MACROD2: variants seen among roughly 807,000 people sequenced by gnomAD.
MACROD2 encodes mono-ADP ribosylhydrolase 2.
In MACROD2, 36 loss-of-function variants were observed where a neutral mutation model predicts 70.4. The observed-to-expected ratio is 0.51, with a 90% CI of 0.39 to 0.68. The LOEUF (loss-of-function observed/expected upper bound fraction) is 0.68. Among genes scored for constraint, MACROD2 ranks in the 30% least tolerant of loss-of-function variants. The probability of loss-of-function intolerance (pLI) is 0.00; values close to 1 mark genes in which losing one functional copy is unlikely to be tolerated. For missense variants in MACROD2, 496 were observed against 538.4 expected (o/e 0.92, Z 0.78); for synonymous variants, 172 against 178.8 (o/e 0.96, Z 0.30).
At chr20:16,035,158 A>ATT in intron 15 of MACROD2, among the ~76,000 whole-genome samples, 1 of 62,722 alleles carries the variant, frequency 1.6e-5, no homozygotes, top group East Asian at 4.2e-4. Flanking sequence ...TATAAAATAT[A>ATT]ATATAAAATA....
intron 3 of MACROD2, among the ~76,000 whole-genome samples, chr20:14,365,089 A>C (rs1001727003): frequency 6.6e-6 from 1 of 152,200 alleles, no homozygotes; most frequent in Non-Finnish European, 1.5e-5. Flanking sequence ...TTTTCAAGCC[A>C]CATGGTCCTG....
intron 3 of MACROD2, among the ~76,000 whole-genome samples, chr20:14,090,427 G>A (rs1468856950): frequency 1.3e-5 from 2 of 152,008 alleles, no homozygotes; most frequent in African/African-American, 4.8e-5. Context: ...ACAAAAATTA[G>A]CTGGGCACGG....
intron 15 of MACROD2, among the ~76,000 whole-genome samples, chr20:16,014,157 T>A (rs557318792): frequency 8.5e-5 from 13 of 152,344 alleles, no homozygotes; most frequent in African/African-American, 3.1e-4. Flanking sequence ...CTATTCAGCT[T>A]TAAAATATAG....
chr20:15,606,771 G>A (rs1463033393), intron 8 of MACROD2, among the ~76,000 whole-genome samples: 2 of 152,124 alleles, frequency 1.3e-5, no homozygotes, highest in Non-Finnish European at 2.9e-5. Flanking sequence ...AGGAGGCCGA[G>A]GCAGGCGGAT....
rs59413168 is a variant in MACROD2 at position 15,682,152 on chromosome 20, A to AG, written c.646-180590dup. Among the ~76,000 whole-genome samples the AG allele has an allele frequency of 2.8e-3, 432 of 152,298 alleles. 2 individuals carry two copies. Among genetic ancestry groups the AG allele is most frequent in the African/African-American group, 9.6e-3 (400 of 41,564 alleles). On this transcript the variant is annotated intron_variant, in intron 8 of 17. Coordinates refer to ENST00000684519, the MANE Select transcript of MACROD2 (RefSeq NM_001351661.2). Reference sequence around the variant, plus strand: ...CCTTGAGCCATTTCCAAATGAAAAGAGGGTATGATTTATCAGGGCAGATCC... The same window carrying AG: ...CCTTGAGCCATTTCCAAATGAAAAGAGGGGTATGATTTATCAGGGCAGATCC...
intron 8 of MACROD2, among the ~76,000 whole-genome samples, chr20:15,548,497 G>A (rs1028661258): frequency 3.3e-5 from 5 of 152,150 alleles, no homozygotes; most frequent in African/African-American, 9.7e-5. Flanking sequence ...AAGGGTTCAA[G>A]CGATTCTTCT....
intron 3 of MACROD2, among the ~76,000 whole-genome samples, chr20:14,115,599 C>G (rs2054503961): frequency 6.6e-6 from 1 of 152,122 alleles, no homozygotes; most frequent in Non-Finnish European, 1.5e-5. Context: ...AACTTTTGGT[C>G]TAAAAACTAT....
intron 5 of MACROD2, among the ~76,000 whole-genome samples, chr20:14,717,578 T>A (rs538351637): frequency 1.3e-5 from 2 of 151,556 alleles, no homozygotes; most frequent in Admixed American, 6.6e-5. Context: ...CTTTAAAATA[T>A]AGTTATTCAT....
At chr20:15,785,756 C>A (rs74665199) in intron 8 of MACROD2, among the ~76,000 whole-genome samples, 3,079 of 152,150 alleles carry the variant, frequency 0.02, 115 homozygotes, top group African/African-American at 0.071. Context: ...ATACATATCC[C>A]ACCGTGCTTT....
At chr20:14,260,921 T>C (rs2082096398) in intron 3 of MACROD2, among the ~76,000 whole-genome samples, 1 of 152,192 alleles carries the variant, frequency 6.6e-6, no homozygotes. Context: ...GGCAGACAGA[T>C]TTGTGGTATT....
At chr20:14,075,881 A>T (rs3908765) in intron 2 of MACROD2, among the ~76,000 whole-genome samples, 4 of 152,292 alleles carry the variant, frequency 2.6e-5, no homozygotes, top group Admixed American at 2.0e-4. Context: ...TGGGCTTTGG[A>T]GACATCCTTA....
At chr20:14,560,957 GTTTGA>G (rs1324106942) in intron 4 of MACROD2, among the ~76,000 whole-genome samples, 1 of 151,860 alleles carries the variant, frequency 6.6e-6, no homozygotes, top group Non-Finnish European at 1.5e-5. Context: ...ATGAAATAAT[GTTTGA>G]TTTATTTTCA....
At chr20:14,691,510 T>G (rs866822362) in intron 5 of MACROD2, among the ~76,000 whole-genome samples, 2 of 152,102 alleles carry the variant, frequency 1.3e-5, no homozygotes, top group South Asian at 4.1e-4. Context: ...GTAAGTCGAG[T>G]CTCTCAAGGG....
chr20:15,548,833 C>T (rs2048059018), intron 8 of MACROD2, among the ~76,000 whole-genome samples: 1 of 152,196 alleles, frequency 6.6e-6, no homozygotes, highest in South Asian at 2.1e-4. Context: ...AAACGTTATA[C>T]TACTCTGAGA....
At chr20:14,999,330 C>T (rs1339044401) in intron 5 of MACROD2, among the ~76,000 whole-genome samples, 4 of 152,144 alleles carry the variant, frequency 2.6e-5, no homozygotes, top group Non-Finnish European at 5.9e-5. Context: ...AAAGTAATAA[C>T]AAGAACAACT....
chr20:14,421,774 T>C (rs73901249), intron 3 of MACROD2, among the ~76,000 whole-genome samples: 3,273 of 152,220 alleles, frequency 0.022, 117 homozygotes, highest in African/African-American at 0.073. Flanking sequence ...TTTTGTATGA[T>C]TTCAATCTTT....
chr20:14,434,411 T>A (rs1358477714), intron 3 of MACROD2, among the ~76,000 whole-genome samples: 5 of 152,180 alleles, frequency 3.3e-5, no homozygotes, highest in African/African-American at 1.2e-4. Context: ...CTACCACCAC[T>A]ACCACCATCC....
At chr20:14,623,176 G>A (rs78918967) in intron 4 of MACROD2, among the ~76,000 whole-genome samples, 2,941 of 151,332 alleles carry the variant, frequency 0.019, 99 homozygotes, top group African/African-American at 0.067. Context: ...CTGAATTACA[G>A]TTTTTTTTGT....
At chr20:14,355,124 T>G (rs955538300) in intron 3 of MACROD2, among the ~76,000 whole-genome samples, 2 of 152,202 alleles carry the variant, frequency 1.3e-5, no homozygotes, top group Non-Finnish European at 2.9e-5. Context: ...TTCTTATAGA[T>G]ATATACCCAG....
Sources: allele counts gnomAD v4.1 joint callset (sites outside exome capture counted in the v4.1 genomes callset), GRCh38; gene constraint gnomAD v4.1.1; transcripts MANE v1.5; gene names NCBI Gene and HGNC (gene_info 2026-07-23, HGNC 2026-07-21).